CSMD1: variants seen among roughly 807,000 people sequenced by gnomAD.
The protein encoded by CSMD1 is CUB and sushi domain-containing protein 1.
In CSMD1, 213 loss-of-function variants were observed where a neutral mutation model predicts 417.5. That is an observed-to-expected ratio of 0.51 (90% confidence interval 0.46 to 0.57). CSMD1 has a LOEUF of 0.57. Ranked by LOEUF, CSMD1 falls within the 20% of genes least tolerant of loss-of-function variation. The pLI, the probability that CSMD1 is intolerant of heterozygous loss-of-function variation, is 0.00. For synonymous variants in CSMD1, 2,862 were observed against 1,736.8 expected, an observed-to-expected ratio of 1.65 and a Z score of -16.11; for missense variants, 6,923 against 4,529.7, an observed-to-expected ratio of 1.53 and a Z score of -15.17.
chr8:3,325,980 A>G (rs185563518), intron 23 of CSMD1, among the ~76,000 whole-genome samples: 166 of 152,372 alleles, frequency 1.1e-3, no homozygotes, highest in African/African-American at 3.7e-3. Flanking sequence ...AAATTATTCA[A>G]ATCAATGGAA....
intron 1 of CSMD1, among the ~76,000 whole-genome samples, chr8:4,904,006 T>C (rs1432199614): frequency 6.6e-6 from 1 of 152,212 alleles, no homozygotes. Flanking sequence ...CATTTTGTAT[T>C]TATTTCTTTT....
chr8:4,181,748 A>T (rs1391846664), intron 3 of CSMD1, among the ~76,000 whole-genome samples: 2 of 152,152 alleles, frequency 1.3e-5, no homozygotes, highest in Non-Finnish European at 2.9e-5. Flanking sequence ...ATAAACAACA[A>T]TTCTTATCTT....
At chr8:4,743,971 G>A (rs1428608201) in intron 1 of CSMD1, among the ~76,000 whole-genome samples, 2 of 152,032 alleles carry the variant, frequency 1.3e-5, no homozygotes, top group Non-Finnish European at 2.9e-5. Flanking sequence ...ATGAGATGAC[G>A]GACTCTAAAA....
chr8:3,905,884 C>T (rs1321510756), intron 5 of CSMD1, among the ~76,000 whole-genome samples: 1 of 152,230 alleles, frequency 6.6e-6, no homozygotes, highest in Non-Finnish European at 1.5e-5. Flanking sequence ...GGTTTCTGAT[C>T]TCTTACTATT....
intron 26 of CSMD1, among the ~76,000 whole-genome samples, chr8:3,262,230 T>TACATATATATATATATATATATATACAC (rs1801134410): frequency 1.0e-5 from 1 of 95,684 alleles, no homozygotes. Context: ...TATATATATA[T>TACATATATATATATATATATATATACAC]ACACACACAT....
intron 2 of CSMD1, among the ~76,000 whole-genome samples, chr8:4,443,785 G>T (rs1431963004): frequency 6.6e-6 from 1 of 152,258 alleles, no homozygotes; most frequent in Non-Finnish European, 1.5e-5. Context: ...TACCAAGTGT[G>T]ATCTGTGTCA....
intron 23 of CSMD1, among the ~76,000 whole-genome samples, chr8:3,336,793 T>G (rs919978487): frequency 1.3e-5 from 2 of 152,126 alleles, no homozygotes; most frequent in African/African-American, 4.8e-5. Context: ...CTGGGCTGTG[T>G]GTGGGCTTCC....
intron 54 of CSMD1, among the ~76,000 whole-genome samples, chr8:2,995,661 G>A (rs1324874768): frequency 6.6e-6 from 1 of 152,088 alleles, no homozygotes; most frequent in Non-Finnish European, 1.5e-5. Context: ...GTCCTTCAAT[G>A]GGTAAATGGT....
chr8:4,383,519 T>C (rs1244521334), intron 3 of CSMD1, among the ~76,000 whole-genome samples: 1 of 152,152 alleles, frequency 6.6e-6, no homozygotes, highest in Admixed American at 6.6e-5. Context: ...CAACAAGCCC[T>C]GGCTATTGCA....
chr8:4,565,726 C>T (rs1245771056), intron 2 of CSMD1, among the ~76,000 whole-genome samples: 2 of 142,466 alleles, frequency 1.4e-5, no homozygotes, highest in African/African-American at 2.6e-5. Context: ...CAGCGCAACA[C>T]TCCACCTTAA....
intron 3 of CSMD1, among the ~76,000 whole-genome samples, chr8:4,395,675 G>A (rs1449275790): frequency 2.0e-5 from 3 of 152,026 alleles, no homozygotes; most frequent in Non-Finnish European, 4.4e-5. Flanking sequence ...CCAAAAGCTA[G>A]GGAGACATAA....
At chr8:3,832,279 C>G (rs1802422098) in intron 5 of CSMD1, among the ~76,000 whole-genome samples, 1 of 152,198 alleles carries the variant, frequency 6.6e-6, no homozygotes, top group Non-Finnish European at 1.5e-5. Flanking sequence ...TTCCTGAGTA[C>G]ACGGGATTAT....
chr8:4,044,075 G>A (rs1035906249), intron 3 of CSMD1, among the ~76,000 whole-genome samples: 1 of 151,876 alleles, frequency 6.6e-6, no homozygotes, highest in East Asian at 1.9e-4. Context: ...GTCTTTTCTT[G>A]CCCATTGCTT....
chr8:4,215,790 AT>A (rs1800632159), intron 3 of CSMD1, among the ~76,000 whole-genome samples: 2 of 152,182 alleles, frequency 1.3e-5, no homozygotes, highest in African/African-American at 4.8e-5. Flanking sequence ...TGGAATATCT[AT>A]TCTCTCCTTT....
chr8:4,739,871 C>A (rs1437224877), intron 1 of CSMD1, among the ~76,000 whole-genome samples: 1 of 152,234 alleles, frequency 6.6e-6, no homozygotes, highest in South Asian at 2.1e-4. Context: ...CCAGAGGGAT[C>A]TTTCTAAAAC....
chr8:3,271,877 G>A (rs79534675), intron 26 of CSMD1, among the ~76,000 whole-genome samples: 41,169 of 151,198 alleles, frequency 0.27, 5,722 homozygotes, highest in African/African-American at 0.34. Flanking sequence ...CCATTTTGTA[G>A]GTTGCCTGTT....
chr8:3,277,930 T>A (rs192514580), intron 26 of CSMD1, among the ~76,000 whole-genome samples: 12 of 152,276 alleles, frequency 7.9e-5, no homozygotes, highest in African/African-American at 2.6e-4. Flanking sequence ...TTGGTACACA[T>A]GAAAAGCTGA....
intron 3 of CSMD1, among the ~76,000 whole-genome samples, chr8:4,206,093 A>T (rs62501363): frequency 0.1 from 15,583 of 152,218 alleles, 1,085 homozygotes; most frequent in African/African-American, 0.18. Context: ...AAAGTGAGTA[A>T]ATAGGATAAA....
At chr8:3,178,360 G>C (rs1202346078) in intron 37 of CSMD1, among the ~76,000 whole-genome samples, 1 of 151,836 alleles carries the variant, frequency 6.6e-6, no homozygotes, top group East Asian at 1.9e-4. Context: ...TTAGAACCAG[G>C]CATACTTGAT....
Sources: gnomAD v4.1 joint callset for allele counts (sites outside exome capture counted in the v4.1 genomes callset) on GRCh38, gnomAD v4.1.1 for gene constraint, MANE v1.5 for transcripts, NCBI Gene and HGNC (gene_info 2026-07-23, HGNC 2026-07-21) for gene names.